OR9K2: variants seen among roughly 807,000 people sequenced by gnomAD.
OR9K2 encodes olfactory receptor family 9 subfamily K member 2.
In OR9K2, 16 loss-of-function variants were observed where a neutral mutation model predicts 12.4. That is an observed-to-expected ratio of 1.29 (90% CI 0.87 to 1.95). The LOEUF is 1.95. Ranked by LOEUF, OR9K2 falls within the 30% of genes most tolerant of loss-of-function variation. The probability of loss-of-function intolerance (pLI) is 0.00; values close to 1 mark genes in which losing one functional copy is unlikely to be tolerated. For synonymous variants in OR9K2, 133 were observed against 133.2 expected, an observed-to-expected ratio of 1.00 and a Z score of 0.01; for missense variants, 434 against 376.5, an observed-to-expected ratio of 1.15 and a Z score of -1.26.
chr12:55,130,253 C>T lies in OR9K2; in HGVS notation c.419C>T (p.Ser140Phe), dbSNP rs1429349392. Residue 140 changes from serine to phenylalanine, a missense_variant, in exon 3 of 3, where the codon TCC (serine) becomes TTC (phenylalanine). Transcript: ENST00000641329. The part of the protein sequence containing the change: ...CNPLLYSVQM[S>F]TRLCTQLVAG... ...CCTCTGCTCTACTCTGTTCAAATGT[C>T]CACACGTCTGTGTACTCAGTTGGTG... 3.1e-6 allele frequency: 5 copies of T among 1,613,952 alleles called. No individual in the cohort carries two copies. The South Asian group carries it at 5.5e-5, about 18-fold the overall frequency.
intron 2 of OR9K2, among the ~76,000 whole-genome samples, chr12:55,129,256 G>T (rs1193333920): frequency 6.6e-6 from 1 of 151,908 alleles, no homozygotes; most frequent in South Asian, 2.1e-4. Context: ...ATCTTAGTGG[G>T]TACATAACTT....
chr12:55,130,695 T>A lies in OR9K2; in HGVS notation c.861T>A (p.Asn287Lys), dbSNP rs762501161. 5.6e-6 allele frequency: 9 copies of A among 1,611,734 alleles called. No homozygotes were observed. The East Asian group carries it at 6.7e-5, about 12-fold the overall frequency. ...LCYSLVTPML[N>K]PLIYSLRNKD... ...ACTCCCTAGTCACTCCCATGTTGAA[T>A]CCTTTGATTTACTCTCTGAGGAACA... Residue 287 changes from asparagine to lysine, a missense_variant, in exon 3 of 3, where the codon AAT becomes AAA. Physicochemically the swap from Asn to Lys is moderately conservative, Grantham distance 94. Transcript: ENST00000641329.
At chr12:55,127,880 A>G (rs541233343) in intron 2 of OR9K2, among the ~76,000 whole-genome samples, 3 of 152,158 alleles carry the variant, frequency 2.0e-5, no homozygotes, top group South Asian at 4.1e-4. Flanking sequence ...TCTATTCCCA[A>G]GAAAACTTTG....
At chr12:55,127,628 A>G (rs1953438020) in intron 2 of OR9K2, among the ~76,000 whole-genome samples, 1 of 152,006 alleles carries the variant, frequency 6.6e-6, no homozygotes, top group South Asian at 2.1e-4. Flanking sequence ...CAGGCAAAAT[A>G]TTCCATTTCT....
intron 2 of OR9K2, among the ~76,000 whole-genome samples, chr12:55,129,320 G>C (rs1953450894): frequency 6.6e-6 from 1 of 151,788 alleles, no homozygotes; most frequent in Non-Finnish European, 1.5e-5. Context: ...TTCTCAAGTA[G>C]GTTTTTTTTT....
In OR9K2 at chr12:55,129,916, A is replaced by C; in HGVS notation, c.82A>C (p.Ile28Leu). 6.2e-7 allele frequency: 1 copy of C among 1,613,788 alleles called. No individual in the cohort carries two copies. Among genetic ancestry groups the C allele is most frequent in the Non-Finnish European group, 8.5e-7 (1 of 1,179,822 alleles). Residue 28 changes from isoleucine to leucine, a missense_variant, in exon 3 of 3, where the codon ATT becomes CTT. Transcript: ENST00000641329. ...AGFRVRPELH[I>L]LLFLLFLFVY... ...CTTCAGGGTACGCCCAGAGCTCCACATTCTCCTCTTCCTGCTATTTTTGTT... is the reference window on the plus strand; with the variant it reads ...CTTCAGGGTACGCCCAGAGCTCCACCTTCTCCTCTTCCTGCTATTTTTGTT...
rs1226152664 is a variant in OR9K2, at chr12:55,131,301, A to G, written c.*525A>G. Reference sequence around the variant, plus strand: ...AAGTACTAATAATAAGAAACAAACTATAAGTAATCTTTATACATTAATTTG... The same window carrying G: ...AAGTACTAATAATAAGAAACAAACTGTAAGTAATCTTTATACATTAATTTG... On this transcript the variant is annotated 3_prime_UTR_variant, in exon 3 of 3. Coordinates refer to ENST00000641329, the MANE Select transcript of OR9K2 (RefSeq NM_001005243.2). 3 of 152,492 alleles carry G rather than the reference A, an allele frequency of 2.0e-5. No homozygotes were observed. Among genetic ancestry groups the G allele is most frequent in the Admixed American group, 6.5e-5 (1 of 15,278 alleles). The allele number at this position is 152,492 out of a possible 1,614,324, so 9.4% of individuals were successfully genotyped here. A position where few individuals can be genotyped will look rare whatever the true frequency, so the allele number is the denominator to read the frequency against.
chr12:55,129,851 C>A lies in OR9K2; in HGVS notation c.17C>A (p.Thr6Lys), dbSNP rs776397196. The change falls in exon 3 of 3, where the codon ACA becomes AAA. Residue 6 changes from threonine to lysine, a missense_variant. Thr to Lys is a moderately conservative substitution (Grantham distance 78). Coordinates refer to ENST00000641329, the MANE Select transcript of OR9K2 (RefSeq NM_001005243.2). MGDRG[T>K]SNHSEMTDFI... ...GTTTCTACCATGGGTGACAGGGGAA[C>A]AAGCAATCACTCAGAAATGACTGAC... The A allele has an allele frequency of 1.7e-5, 28 of 1,613,558 alleles. No individual in the cohort carries two copies. Among genetic ancestry groups the A allele is most frequent in the East Asian group, 2.2e-5 (1 of 44,872 alleles).
chr12:55,130,533 T>C lies in OR9K2; in HGVS notation c.699T>C (p.Ser233=). The part of the protein sequence containing the change: ...YIVSTVLKIH[S]TEGHKKAFST... Reference sequence around the variant, plus strand: ...TGTCCACAGTTCTAAAGATACATTCTACTGAGGGACATAAGAAGGCCTTCT... The same window carrying C: ...TGTCCACAGTTCTAAAGATACATTCCACTGAGGGACATAAGAAGGCCTTCT... Residue 233 remains serine (S), a synonymous_variant, in exon 3 of 3, where the codon TCT becomes TCC. Coordinates refer to ENST00000641329, the MANE Select transcript of OR9K2 (RefSeq NM_001005243.2). The C allele has an allele frequency of 6.2e-7, 1 of 1,613,818 alleles. No individual in the cohort carries two copies. The highest frequency in any genetic ancestry group is 8.5e-7 in the Non-Finnish European group (1 of 1,179,754).
rs746023394 is a variant in OR9K2, at chr12:55,129,952, A to G, written c.118A>G (p.Met40Val). Residue 40 changes from methionine (M) to valine (V), a missense_variant, in exon 3 of 3, where the codon ATG becomes GTG. By Grantham distance (21) the Met-to-Val change is conservative. Coordinates refer to ENST00000641329, the MANE Select transcript of OR9K2 (RefSeq NM_001005243.2). ...CCTGCTATTTTTGTTTGTTTATGCC[A>G]TGATCCTTCTAGGGAATGTTGGGAT... ...LFLLFLFVYA[M>V]ILLGNVGMMT... 3.7e-6 allele frequency: 6 copies of G among 1,613,904 alleles called. No individual in the cohort carries two copies. The highest frequency in any genetic ancestry group is 4.5e-5 in the East Asian group (2 of 44,892).
chr12:55,130,201 T>C lies in OR9K2; in HGVS notation c.367T>C (p.Tyr123His), dbSNP rs1953461277. The change falls in exon 3 of 3, where the codon TAT becomes CAT. Residue 123 changes from tyrosine (Y) to histidine (H), a missense_variant. Physicochemically the swap from Tyr to His is moderately conservative, Grantham distance 83. Transcript: ENST00000641329. ...GGGATTTCTCCTGGCGGCCATGGCTTATGACCGCTTTATTGCCATCTGCAA... is the reference window on the plus strand; with the variant it reads ...GGGATTTCTCCTGGCGGCCATGGCTCATGACCGCTTTATTGCCATCTGCAA... Reference protein sequence around the residue: ...TEGFLLAAMAYDRFIAICNPL... With the variant: ...TEGFLLAAMAHDRFIAICNPL... 6.2e-7 allele frequency: 1 copy of C among 1,614,008 alleles called. No individual in the cohort carries two copies. The highest frequency in any genetic ancestry group is 8.5e-7 in the Non-Finnish European group (1 of 1,179,990).
intron 2 of OR9K2, among the ~76,000 whole-genome samples, chr12:55,127,601 TTAA>T (rs1276174900): frequency 6.6e-6 from 1 of 152,050 alleles, no homozygotes; most frequent in African/African-American, 2.4e-5. Flanking sequence ...AGCTTTTCTC[TTAA>T]TAATCTTTTT....
Position 55,130,018 on chromosome 12 carries a change from A to T in OR9K2, c.184A>T (p.Met62Leu), listed in dbSNP as rs756297180. 1 of 1,613,570 alleles carries T rather than the reference A, an allele frequency of 6.2e-7. No homozygotes were observed. Reference sequence around the variant, plus strand: ...GACTGATCCTCGGCTGAACACACCAATGTATTTTTTCCTAGGCAATCTCTC... The same window carrying T: ...GACTGATCCTCGGCTGAACACACCATTGTATTTTTTCCTAGGCAATCTCTC... ...IMTDPRLNTP[M>L]YFFLGNLSFI... The change falls in exon 3 of 3, where the codon ATG becomes TTG. Residue 62 changes from methionine (M) to leucine (L), a missense_variant. By Grantham distance (15) the Met-to-Leu change is conservative. Transcript: ENST00000641329.
In OR9K2 at chr12:55,130,446, C is replaced by T; in HGVS notation, c.612C>T (p.Ser204=). The part of the protein sequence containing the change: ...DLFIHRMISF[S]LSCIIILPTI... ...TTATCCATAGAATGATATCTTTTTCCTTATCATGTATTATTATCTTGCCTA... is the reference window on the plus strand; with the variant it reads ...TTATCCATAGAATGATATCTTTTTCTTTATCATGTATTATTATCTTGCCTA... Residue 204 remains serine (S), a synonymous_variant, in exon 3 of 3, where the codon TCC becomes TCT. Transcript: ENST00000641329. The T allele has an allele frequency of 6.2e-7, 1 of 1,613,404 alleles. No homozygotes were observed. The highest frequency in any genetic ancestry group is 8.5e-7 in the Non-Finnish European group (1 of 1,179,608).
chr12:55,130,898 C>T lies in OR9K2; in HGVS notation c.*122C>T. On this transcript the variant is annotated 3_prime_UTR_variant, in exon 3 of 3. Coordinates refer to ENST00000641329, the MANE Select transcript of OR9K2 (RefSeq NM_001005243.2). ...CTTAGATGTTTTCATGTGATGTGCT[C>T]TTTCCATATTTTACTTTTTTACCTC... The T allele has an allele frequency of 1.6e-6, 1 of 625,430 alleles. No individual in the cohort carries two copies. Among genetic ancestry groups the T allele is most frequent in the East Asian group, 2.8e-5 (1 of 35,412 alleles). The allele number at this position is 625,430 out of a possible 1,614,324, so 38.7% of individuals were successfully genotyped here.
At position 55,130,176 on chromosome 12, in the gene OR9K2, G is replaced by C; in HGVS notation, c.342G>C (p.Glu114Asp). 6.2e-7 allele frequency: 1 copy of C among 1,614,026 alleles called. No individual in the cohort carries two copies. The highest frequency in any genetic ancestry group is 1.1e-5 in the South Asian group (1 of 91,084). ...LFLFALLIVT[E>D]GFLLAAMAYD... ...TCTTTGCCCTCCTCATTGTGACTGA[G>C]GGATTTCTCCTGGCGGCCATGGCTT... Residue 114 changes from glutamate to aspartate, a missense_variant, in exon 3 of 3, where the codon GAG becomes GAC. Coordinates refer to ENST00000641329, the MANE Select transcript of OR9K2 (RefSeq NM_001005243.2).
At chr12:55,126,791 GAC>G (rs1233219338) in intron 1 of OR9K2, 35 bp from the exon 2 acceptor site, 1 of 151,996 alleles carries the variant, frequency 6.6e-6, no homozygotes, top group African/African-American at 2.4e-5. Flanking sequence ...TTATAATTAT[GAC>G]AGTCATTAAT....
rs1301308011 is a variant in OR9K2 at position 55,132,256 on chromosome 12, T to C, written c.*1480T>C. ...AATGCAACAAAATGAGAAAAGGAAATAAAAGTGTTATGGGTTGAATGGTAT... is the reference window on the plus strand; with the variant it reads ...AATGCAACAAAATGAGAAAAGGAAACAAAAGTGTTATGGGTTGAATGGTAT... On this transcript the variant is annotated 3_prime_UTR_variant, in exon 3 of 3. Coordinates refer to ENST00000641329, the MANE Select transcript of OR9K2 (RefSeq NM_001005243.2). 6.6e-6 allele frequency: 1 copy of C among 152,158 alleles called. No homozygotes were observed. Among genetic ancestry groups the C allele is most frequent in the African/African-American group, 2.4e-5 (1 of 41,458 alleles). The allele number at this position is 152,158 out of a possible 1,614,324, so 9.4% of individuals were successfully genotyped here. A position where few individuals can be genotyped will look rare whatever the true frequency, so the allele number is the denominator to read the frequency against.
At position 55,131,908 on chromosome 12, in the gene OR9K2, A is replaced by G. The variant is rs1953476099; in HGVS notation, c.*1132A>G. 3 of 152,208 alleles carry G rather than the reference A, an allele frequency of 2.0e-5. No homozygotes were observed. The highest frequency in any genetic ancestry group is 7.2e-5 in the African/African-American group (3 of 41,458). The allele number at this position is 152,208 out of a possible 1,614,324, so 9.4% of individuals were successfully genotyped here. On this transcript the variant is annotated 3_prime_UTR_variant, in exon 3 of 3. Transcript: ENST00000641329. The stretch of plus-strand genomic sequence containing the variant: ...ATGGTATGTCGATATTAATGAACAA[A>G]GGCAGATTTTTTAAACTGCAGGTAA...
Sources: allele counts gnomAD v4.1 joint callset (sites outside exome capture counted in the v4.1 genomes callset), GRCh38; gene constraint gnomAD v4.1.1; transcripts MANE v1.5; gene names NCBI Gene and HGNC (gene_info 2026-07-23, HGNC 2026-07-21).